ZBTB20: variants seen among roughly 807,000 people sequenced by gnomAD.
The protein encoded by ZBTB20 is zinc finger and BTB domain containing 20.
ZBTB20 carries 9 observed loss-of-function variants against 56.9 expected under a neutral mutation model. That is an observed-to-expected ratio of 0.16 (90% CI 0.10 to 0.28). The LOEUF is 0.28. ZBTB20 is among the 10% of genes least tolerant of loss of function. The probability of loss-of-function intolerance (pLI) is 1.00; values close to 1 mark genes in which losing one functional copy is unlikely to be tolerated. For missense variants in ZBTB20, 655 were observed against 1,003.0 expected, an observed-to-expected ratio of 0.65 and a Z score of 4.69; for synonymous variants, 417 against 420.7, an observed-to-expected ratio of 0.99 and a Z score of 0.11.
At chr3:114,979,968 G>C (rs570569970) in intron 2 of ZBTB20, among the ~76,000 whole-genome samples, 8 of 151,968 alleles carry the variant, frequency 5.3e-5, no homozygotes, top group Non-Finnish European at 1.0e-4. Flanking sequence ...GCTGGAGCTC[G>C]AGAGCAACAA....
At chr3:114,455,444 G>A (rs1201054805) in intron 7 of ZBTB20, among the ~76,000 whole-genome samples, 1 of 152,100 alleles carries the variant, frequency 6.6e-6, no homozygotes, top group African/African-American at 2.4e-5. Context: ...AAAAAATGGA[G>A]TTTTCTCCTC....
chr3:114,685,524 T>C lies in ZBTB20; in HGVS notation c.-295+8004A>G, dbSNP rs532383615. ...ATGTGCAGCTGGGACTCTGCTTCAA[T>C]AAGTAAATAAAAATACATTATAAAA... On this transcript the variant is annotated intron_variant, in intron 6 of 11. Coordinates refer to ENST00000675478, the MANE Select transcript of ZBTB20 (RefSeq NM_001348800.3). Among the ~76,000 whole-genome samples the C allele has an allele frequency of 2.0e-5, 3 of 152,316 alleles. No individual in the cohort carries two copies. In the East Asian group the frequency reaches 5.8e-4, roughly 29 times the overall value.
chr3:114,518,715 T>G (rs968886454), intron 6 of ZBTB20: 2 of 152,228 alleles, frequency 1.3e-5, no homozygotes, highest in Non-Finnish European at 2.9e-5. Context: ...GTGAATATTC[T>G]GGGCCCTTTA....
intron 11 of ZBTB20, among the ~76,000 whole-genome samples, chr3:114,347,345 T>C (rs191731911): frequency 6.6e-6 from 1 of 152,300 alleles, no homozygotes; most frequent in East Asian, 1.9e-4. Flanking sequence ...TCAAATTTCT[T>C]TTTAACTTTG....
At chr3:114,560,499 A>T (rs2051870935) in intron 6 of ZBTB20, among the ~76,000 whole-genome samples, 1 of 152,154 alleles carries the variant, frequency 6.6e-6, no homozygotes, top group Non-Finnish European at 1.5e-5. Context: ...GGGTTATTTA[A>T]CTTGGTAATG....
In ZBTB20 at chr3:114,532,907, T is replaced by C. The variant is rs192492258; in HGVS notation, c.-294-32516A>G. 5.0e-3 allele frequency among the ~76,000 whole-genome samples: 768 copies of C among 152,200 alleles called. 4 individuals carry two copies. Among genetic ancestry groups the C allele is most frequent in the Middle Eastern group, 0.02 (6 of 294 alleles). ...ACCTGCAGCAGAGATGCCAGACTGT[T>C]AGAAGGAAAACTAACAAACAGAAAG... On this transcript the variant is annotated intron_variant, in intron 6 of 11. Coordinates refer to ENST00000675478, the MANE Select transcript of ZBTB20 (RefSeq NM_001348800.3).
intron 2 of ZBTB20, among the ~76,000 whole-genome samples, chr3:115,049,180 T>G (rs1257843139): frequency 6.6e-6 from 1 of 152,148 alleles, no homozygotes; most frequent in African/African-American, 2.4e-5. Flanking sequence ...TTCTTGTGAC[T>G]CTATACCTCT....
At chr3:114,433,304 A>G (rs931767129) in intron 7 of ZBTB20, among the ~76,000 whole-genome samples, 1 of 152,232 alleles carries the variant, frequency 6.6e-6, no homozygotes, top group Non-Finnish European at 1.5e-5. Flanking sequence ...GAAGTAGATG[A>G]AAATCAAAAT....
intron 4 of ZBTB20, among the ~76,000 whole-genome samples, chr3:114,867,465 C>T (rs747800370): frequency 9.9e-5 from 15 of 152,150 alleles, no homozygotes; most frequent in Non-Finnish European, 1.9e-4. Flanking sequence ...TCAACCAATT[C>T]AGCTCTATCA....
intron 2 of ZBTB20, among the ~76,000 whole-genome samples, chr3:114,986,746 T>C (rs897336059): frequency 6.6e-6 from 1 of 152,176 alleles, no homozygotes; most frequent in Non-Finnish European, 1.5e-5. Context: ...TTTTTCAAAA[T>C]TGTGTTTTAA....
intron 6 of ZBTB20, among the ~76,000 whole-genome samples, chr3:114,656,190 C>T (rs1199012080): frequency 6.6e-6 from 1 of 152,108 alleles, no homozygotes; most frequent in African/African-American, 2.4e-5. Flanking sequence ...CTATTGTTTC[C>T]ACCCTTAGGG....
chr3:114,486,137 T>G (rs796583031), intron 7 of ZBTB20, among the ~76,000 whole-genome samples: 433 of 6,130 alleles, frequency 0.071, 11 homozygotes, highest in Non-Finnish European at 0.099. Flanking sequence ...TGTGTGTGTG[T>G]GGGGGGGGGG....
chr3:114,675,261 A>G (rs1266870969), intron 6 of ZBTB20, among the ~76,000 whole-genome samples: 1 of 143,048 alleles, frequency 7.0e-6, no homozygotes, highest in Non-Finnish European at 1.5e-5. Context: ...CAGCTTGGGA[A>G]AATTGCTCCT....
intron 1 of ZBTB20, among the ~76,000 whole-genome samples, chr3:115,113,299 C>G (rs1004694885): frequency 6.6e-6 from 1 of 152,206 alleles, no homozygotes; most frequent in African/African-American, 2.4e-5. Flanking sequence ...TGTCTCTTGA[C>G]TTCGATTTAT....
intron 1 of ZBTB20, among the ~76,000 whole-genome samples, chr3:115,102,241 C>A (rs1053846837): frequency 1.6e-4 from 25 of 152,104 alleles, no homozygotes; most frequent in African/African-American, 5.1e-4. Context: ...GAGACAGACA[C>A]ACACTAAAAA....
intron 6 of ZBTB20, among the ~76,000 whole-genome samples, chr3:114,558,488 C>T (rs1211611448): frequency 6.6e-6 from 1 of 152,082 alleles, no homozygotes; most frequent in Non-Finnish European, 1.5e-5. Context: ...GGACATGCTA[C>T]ATGATTCATC....
At chr3:115,018,440 G>T (rs1429417607) in intron 2 of ZBTB20, among the ~76,000 whole-genome samples, 1 of 151,364 alleles carries the variant, frequency 6.6e-6, no homozygotes, top group Non-Finnish European at 1.5e-5. Flanking sequence ...TTTTAAATAT[G>T]ATTATTTCCA....
At chr3:114,673,750 A>G (rs1560111001) in intron 6 of ZBTB20, among the ~76,000 whole-genome samples, 1 of 152,270 alleles carries the variant, frequency 6.6e-6, no homozygotes, top group East Asian at 1.9e-4. Context: ...AAAATATCTC[A>G]TCAGTGCAAC....
At chr3:115,049,704 T>A (rs1054677174) in intron 2 of ZBTB20, among the ~76,000 whole-genome samples, 5 of 152,130 alleles carry the variant, frequency 3.3e-5, no homozygotes, top group Non-Finnish European at 7.4e-5. Context: ...GCAAACTGTT[T>A]AGTCAATGTT....
Sources: allele counts gnomAD v4.1 joint callset (sites outside exome capture counted in the v4.1 genomes callset), GRCh38; gene constraint gnomAD v4.1.1; transcripts MANE v1.5; gene names NCBI Gene and HGNC (gene_info 2026-07-23, HGNC 2026-07-21).